Variants in ASTN2 observed in about 807,000 individuals in gnomAD.
ASTN2 encodes astrotactin-2.
ASTN2 carries 54 observed loss-of-function variants against 139.8 expected under a neutral mutation model. The observed-to-expected ratio is 0.39, with a 90% confidence interval of 0.31 to 0.48. ASTN2 has a LOEUF of 0.48. Among genes scored for constraint, ASTN2 ranks in the 20% least tolerant of loss-of-function variants. The pLI, the probability that ASTN2 is intolerant of heterozygous loss-of-function variation, is 0.95. For missense variants in ASTN2, 1,565 were observed against 1,725.1 expected, an observed-to-expected ratio of 0.91 and a Z score of 1.64; for synonymous variants, 756 against 719.5, an observed-to-expected ratio of 1.05 and a Z score of -0.81.
At chr9:116,945,632 CCCTT>C (rs996228755) in intron 10 of ASTN2, among the ~76,000 whole-genome samples, 5 of 151,988 alleles carry the variant, frequency 3.3e-5, no homozygotes, top group African/African-American at 9.7e-5. Context: ...TGCCCTCCCT[CCCTT>C]CCTTCCTTCC....
intron 2 of ASTN2, among the ~76,000 whole-genome samples, chr9:117,223,170 G>T (rs1832583845): frequency 6.6e-6 from 1 of 152,170 alleles, no homozygotes; most frequent in South Asian, 2.1e-4. Context: ...TGGGGAGATT[G>T]AAAACAGGGA....
intron 2 of ASTN2, among the ~76,000 whole-genome samples, chr9:117,223,840 A>G (rs115332354): frequency 0.011 from 1,666 of 152,300 alleles, 31 homozygotes; most frequent in African/African-American, 0.038. Context: ...ACGGTGACCT[A>G]TTTAAGAAGT....
At chr9:117,363,891 G>A (rs1311336097) in intron 1 of ASTN2, among the ~76,000 whole-genome samples, 3 of 152,138 alleles carry the variant, frequency 2.0e-5, no homozygotes, top group Non-Finnish European at 4.4e-5. Context: ...TACTAGGATT[G>A]TGTAGTGCAT....
At chr9:116,967,945 A>G (rs901016736) in intron 10 of ASTN2, among the ~76,000 whole-genome samples, 1 of 152,210 alleles carries the variant, frequency 6.6e-6, no homozygotes, top group African/African-American at 2.4e-5. Context: ...ACATCTTTTA[A>G]TCACGGACAC....
At chr9:117,388,595 A>G (rs1830462075) in intron 1 of ASTN2, among the ~76,000 whole-genome samples, 1 of 152,230 alleles carries the variant, frequency 6.6e-6, no homozygotes, top group South Asian at 2.1e-4. Context: ...GTTGGCTTCT[A>G]TTGGTTGCAG....
intron 3 of ASTN2, among the ~76,000 whole-genome samples, chr9:117,161,527 G>C (rs1830552334): frequency 6.6e-6 from 1 of 151,988 alleles, no homozygotes; most frequent in South Asian, 2.1e-4. Flanking sequence ...CCTAGTAACT[G>C]GGATTACAGT....
intron 10 of ASTN2, among the ~76,000 whole-genome samples, chr9:116,924,213 A>G (rs1834690008): frequency 6.6e-6 from 1 of 152,002 alleles, no homozygotes; most frequent in East Asian, 1.9e-4. Context: ...GTTCGGAACC[A>G]GCCTGGCCAA....
At chr9:116,969,240 T>A (rs1484992936) in intron 10 of ASTN2, among the ~76,000 whole-genome samples, 1 of 152,012 alleles carries the variant, frequency 6.6e-6, no homozygotes, top group Non-Finnish European at 1.5e-5. Context: ...AACTCAAGAG[T>A]CAGACTCTCA....
At chr9:116,655,929 T>G (rs1371051399) in intron 16 of ASTN2, among the ~76,000 whole-genome samples, 2 of 152,022 alleles carry the variant, frequency 1.3e-5, no homozygotes, top group Non-Finnish European at 2.9e-5. Context: ...CGTTTCACCA[T>G]GTTGCCCAGG....
intron 11 of ASTN2, among the ~76,000 whole-genome samples, chr9:116,856,521 G>A (rs1416315081): frequency 6.6e-6 from 1 of 152,168 alleles, no homozygotes; most frequent in Non-Finnish European, 1.5e-5. Flanking sequence ...GTCATTAAGA[G>A]GGGGAAAGGA....
At chr9:117,121,198 T>A (rs1244872933) in intron 4 of ASTN2, among the ~76,000 whole-genome samples, 1 of 152,230 alleles carries the variant, frequency 6.6e-6, no homozygotes, top group African/African-American at 2.4e-5. Flanking sequence ...ATGGACCATC[T>A]AGATATTTCA....
At chr9:116,522,056 T>C (rs138871484) in intron 19 of ASTN2, among the ~76,000 whole-genome samples, 137 of 152,286 alleles carry the variant, frequency 9.0e-4, no homozygotes, top group African/African-American at 3.2e-3. Flanking sequence ...CACTTTTACA[T>C]TGTTGGTGGG....
At chr9:117,039,744 A>G in intron 6 of ASTN2, 75 bp downstream of exon 6, 1 of 1,476,986 alleles carries the variant, frequency 6.8e-7, no homozygotes, top group Non-Finnish European at 9.0e-7. Flanking sequence ...GTTTGGCCAT[A>G]CACAGAAACC....
At chr9:116,939,809 A>T (rs111234600) in intron 10 of ASTN2, among the ~76,000 whole-genome samples, 1 of 152,164 alleles carries the variant, frequency 6.6e-6, no homozygotes, top group Non-Finnish European at 1.5e-5. Flanking sequence ...ATGATAACAA[A>T]TACGTCATGG....
At chr9:117,278,065 C>T (rs538057460) in intron 2 of ASTN2, among the ~76,000 whole-genome samples, 160 of 152,252 alleles carry the variant, frequency 1.1e-3, no homozygotes, top group Middle Eastern at 6.8e-3. Flanking sequence ...TACAAGCAGG[C>T]GCTGTAATCA....
chr9:117,290,727 A>G (rs142466452), intron 2 of ASTN2, among the ~76,000 whole-genome samples: 35 of 152,366 alleles, frequency 2.3e-4, no homozygotes, highest in African/African-American at 8.4e-4. Context: ...ACTCAAGAGT[A>G]GTTCCATCAT....
At chr9:116,536,852 A>T (rs554319260) in intron 19 of ASTN2, among the ~76,000 whole-genome samples, 101 of 152,296 alleles carry the variant, frequency 6.6e-4, no homozygotes, top group Middle Eastern at 3.4e-3. Context: ...CTCAAACTCC[A>T]TGCTGGGAGA....
At chr9:116,840,225 GAAC>G (rs902076760) in intron 11 of ASTN2, among the ~76,000 whole-genome samples, 2 of 148,244 alleles carry the variant, frequency 1.3e-5, no homozygotes, top group African/African-American at 5.1e-5. Flanking sequence ...TCCCAAGGCA[GAAC>G]AATTTTTCTT....
At chr9:117,015,356 C>A (rs113023724) in intron 6 of ASTN2, among the ~76,000 whole-genome samples, 3,677 of 152,196 alleles carry the variant, frequency 0.024, 135 homozygotes, top group African/African-American at 0.083. Context: ...CTCAAGCTTG[C>A]CATTTGCTCC....
Sources: gnomAD v4.1 joint callset for allele counts (sites outside exome capture counted in the v4.1 genomes callset) on GRCh38, gnomAD v4.1.1 for gene constraint, MANE v1.5 for transcripts, NCBI Gene and HGNC (gene_info 2026-07-23, HGNC 2026-07-21) for gene names.